TGFBR3: variants seen among roughly 807,000 people sequenced by gnomAD.
TGFBR3 encodes the protein transforming growth factor beta receptor 3, also known as transforming growth factor beta receptor type 3.
In TGFBR3, 46 loss-of-function variants were observed where a neutral mutation model predicts 87.9. That is an observed-to-expected ratio of 0.52 (90% confidence interval 0.41 to 0.67). TGFBR3 has a LOEUF of 0.67. Among genes scored for constraint, TGFBR3 ranks in the 30% least tolerant of loss-of-function variants. TGFBR3 has a pLI of 0.00. For synonymous variants in TGFBR3, 381 were observed against 391.6 expected (o/e 0.97, Z 0.32); for missense variants, 866 against 1,041.9 (o/e 0.83, Z 2.32).
At chr1:91,683,989 C>A in intron 16 of TGFBR3, 132 bp from the exon 17 acceptor site, 1 of 764,758 alleles carries the variant, frequency 1.3e-6, no homozygotes, top group Non-Finnish European at 2.2e-6. Flanking sequence ...AGCAACTAGA[C>A]TAGGTCCTAG....
intron 1 of TGFBR3, among the ~76,000 whole-genome samples, chr1:91,868,640 G>C (rs1678471576): frequency 6.6e-6 from 1 of 152,174 alleles, no homozygotes; most frequent in African/African-American, 2.4e-5. Context: ...AAGCTACCTA[G>C]AATGAGGAAT....
At chr1:91,866,685 T>C (rs111599886) in intron 1 of TGFBR3, 14 of 152,288 alleles carry the variant, frequency 9.2e-5, no homozygotes, top group African/African-American at 3.1e-4. Context: ...GCTGGTGAGA[T>C]AAACAGACAA....
intron 12 of TGFBR3, among the ~76,000 whole-genome samples, chr1:91,715,346 C>T (rs6665312): frequency 0.071 from 10,816 of 152,232 alleles, 410 homozygotes; most frequent in Non-Finnish European, 0.088. Context: ...TCGTATCCAG[C>T]GAAGATCAGT....
In TGFBR3 at chr1:91,719,579, C is replaced by T. The variant is rs577773521; in HGVS notation, c.1414-115G>A. Reference sequence around the variant, plus strand: ...AGGACAGGCGATGAGAGGCCTGCATCGTGCCCCTTCCCCAAGTATCTCTTC... The same window carrying T: ...AGGACAGGCGATGAGAGGCCTGCATTGTGCCCCTTCCCCAAGTATCTCTTC... On this transcript the variant is annotated intron_variant, in intron 9 of 16. Coordinates refer to ENST00000212355, the MANE Select transcript of TGFBR3 (RefSeq NM_003243.5). 3,875 of 1,309,824 alleles carry T rather than the reference C, an allele frequency of 3.0e-3. 69 individuals carry two copies. In the South Asian group the frequency reaches 0.032, roughly 11 times the overall value. 81.1% of individuals were successfully genotyped at this position (1,309,824 alleles called of 1,614,324 possible).
chr1:91,783,201 C>G (rs1346059658), intron 3 of TGFBR3: 3 of 152,064 alleles, frequency 2.0e-5, no homozygotes, highest in Non-Finnish European at 4.4e-5. Context: ...GTATCCAAGT[C>G]ATACCTGTAA....
upstream of TGFBR3, among the ~76,000 whole-genome samples, chr1:91,890,409 C>T (rs1351945344): frequency 1.2e-3 from 70 of 60,368 alleles, no homozygotes; most frequent in Non-Finnish European, 1.1e-3. Context: ...TCTCTATAAT[C>T]TTTTTTTTTT....
chr1:91,699,721 AG>A (rs1671559592), intron 14 of TGFBR3, among the ~76,000 whole-genome samples: 1 of 152,208 alleles, frequency 6.6e-6, no homozygotes, highest in Non-Finnish European at 1.5e-5. Flanking sequence ...GTGTGACTAG[AG>A]CCCAAGGTCA....
At position 91,765,213 on chromosome 1, in the gene TGFBR3, T is replaced by C. The variant is rs79325665; in HGVS notation, c.247-6463A>G. 6.9e-3 allele frequency among the ~76,000 whole-genome samples: 1,032 copies of C among 150,260 alleles called. 7 individuals are homozygous for C. Among genetic ancestry groups the C allele is most frequent in the Non-Finnish European group, 0.01 (703 of 67,768 alleles). ...ACAGTATAAATTCCTCAGGTCATTC[T>C]TCAAGGGCAGAAACTGAGTCACACT... On this transcript the variant is annotated intron_variant, in intron 3 of 16. Coordinates refer to ENST00000212355, the MANE Select transcript of TGFBR3 (RefSeq NM_003243.5).
intron 16 of TGFBR3, 30 bp downstream of exon 16, chr1:91,695,642 C>T: frequency 2.6e-6 from 4 of 1,559,194 alleles, no homozygotes; most frequent in Non-Finnish European, 3.5e-6. Context: ...ACAAGCTGTT[C>T]ACCAACTCTT....
At chr1:91,689,085 T>C (rs943935271) in intron 16 of TGFBR3, among the ~76,000 whole-genome samples, 2 of 152,352 alleles carry the variant, frequency 1.3e-5, no homozygotes, top group South Asian at 2.1e-4. Context: ...CTGGTGTCTA[T>C]TGGTGTGTCT....
intron 15 of TGFBR3, among the ~76,000 whole-genome samples, chr1:91,696,910 A>G (rs1571415514): frequency 6.6e-6 from 1 of 152,260 alleles, no homozygotes; most frequent in African/African-American, 2.4e-5. Context: ...GCTCGGGGAA[A>G]GTATGCTGTG....
intron 5 of TGFBR3, 43 bp downstream of exon 5, chr1:91,734,733 C>A: frequency 1.2e-6 from 2 of 1,604,240 alleles, no homozygotes; most frequent in Non-Finnish European, 1.7e-6. Flanking sequence ...AAAACAATTG[C>A]CTGTCATAAA....
chr1:91,821,942 G>A (rs901802837), intron 2 of TGFBR3, among the ~76,000 whole-genome samples: 10 of 152,120 alleles, frequency 6.6e-5, no homozygotes, highest in Admixed American at 2.0e-4. Context: ...TCTGTAAAGG[G>A]AGGGCCTATC....
chr1:91,786,259 G>A (rs1674955818), intron 3 of TGFBR3: 2 of 456,006 alleles, frequency 4.4e-6, no homozygotes, highest in Admixed American at 4.7e-5. Context: ...CATTATGAGA[G>A]CATTATTTAG....
rs1398816013 is a variant in TGFBR3, at chr1:91,680,660, T to C, written c.*3079A>G. On this transcript the variant is annotated 3_prime_UTR_variant, in exon 17 of 17. Transcript: ENST00000212355. ...GAACAACCCCCAGATAAAACAAACA[T>C]GAAAAAAATCACATAGGACTCACCC... is the stretch of plus-strand genomic sequence containing the variant. The C allele has an allele frequency of 8.8e-6, 4 of 453,668 alleles. No homozygotes were observed. The highest frequency in any genetic ancestry group is 1.8e-5 in the Non-Finnish European group (4 of 226,724). The allele number at this position is 453,668 out of a possible 1,614,324, so 28.1% of individuals were successfully genotyped here. A position where few individuals can be genotyped will look rare whatever the true frequency, so the allele number is the denominator to read the frequency against.
chr1:91,684,953 T>C (rs1671040074), intron 16 of TGFBR3, among the ~76,000 whole-genome samples: 1 of 152,188 alleles, frequency 6.6e-6, no homozygotes, highest in Admixed American at 6.5e-5. Flanking sequence ...CAGCCGGAGA[T>C]AAGCAACCCT....
rs148279145 is a variant in TGFBR3, at chr1:91,859,259, T to C, written c.61+2212A>G. Among the ~76,000 whole-genome samples the C allele has an allele frequency of 3.8e-3, 585 of 152,238 alleles. 2 individuals are homozygous for C. Among genetic ancestry groups the C allele is most frequent in the Middle Eastern group, 0.01 (3 of 294 alleles). ...GGCCATTGAACTCACTCCTTTCCCA[T>C]AAAGTGCCTTCTTCAGTTGTGTTTT... On this transcript the variant is annotated intron_variant, in intron 2 of 16. Coordinates refer to ENST00000212355, the MANE Select transcript of TGFBR3 (RefSeq NM_003243.5).
intron 2 of TGFBR3, among the ~76,000 whole-genome samples, chr1:91,810,834 A>G (rs920679737): frequency 6.4e-4 from 98 of 152,294 alleles, no homozygotes; most frequent in African/African-American, 2.3e-3. Flanking sequence ...TTATTGTATT[A>G]CTGTAATTAT....
intron 1 of TGFBR3, among the ~76,000 whole-genome samples, chr1:91,881,083 A>G (rs1679063475): frequency 6.6e-6 from 1 of 152,192 alleles, no homozygotes; most frequent in Non-Finnish European, 1.5e-5. Context: ...CATCCAGGCA[A>G]AATATTACAG....
Sources: allele counts gnomAD v4.1 joint callset (sites outside exome capture counted in the v4.1 genomes callset), GRCh38; gene constraint gnomAD v4.1.1; transcripts MANE v1.5; gene names NCBI Gene and HGNC (gene_info 2026-07-23, HGNC 2026-07-21).